REV3L: variants seen among roughly 807,000 people sequenced by gnomAD.
The protein encoded by REV3L is REV3 like, DNA directed polymerase zeta catalytic subunit, also known as DNA polymerase zeta catalytic subunit.
In REV3L, 69 loss-of-function variants were observed where a neutral mutation model predicts 299.4. The observed-to-expected ratio is 0.23, with a 90% CI of 0.19 to 0.28. The LOEUF (loss-of-function observed/expected upper bound fraction) is 0.28, where lower values mean the gene tolerates loss of function less well. Ranked by LOEUF, REV3L falls within the 10% of genes least tolerant of loss-of-function variation. REV3L has a pLI of 1.00. For missense variants in REV3L, 3,128 were observed against 3,693.8 expected, an observed-to-expected ratio of 0.85 and a Z score of 3.97; for synonymous variants, 1,238 against 1,271.4, an observed-to-expected ratio of 0.97 and a Z score of 0.56.
chr6:111,303,197 C>G (rs369594), intron 31 of REV3L, among the ~76,000 whole-genome samples: 1 of 120,114 alleles, frequency 8.3e-6, no homozygotes, highest in African/African-American at 3.3e-5. Flanking sequence ...TGAGAGAGAG[C>G]GTCTCATTCT....
Position 111,374,406 on chromosome 6 carries a change from C to T in REV3L, c.3949G>A (p.Asp1317Asn). ...TTACAAACAACTGATGGATGCAAATCATCTCGTGAACTGGGGAATGTCTGC... is the reference window on the plus strand; with the variant it reads ...TTACAAACAACTGATGGATGCAAATTATCTCGTGAACTGGGGAATGTCTGC... ...DLQTFPSSRD[D>N]LHPSVVCNSI... The change falls in exon 13 of 32, where the codon GAT (aspartate) becomes AAT (asparagine). Residue 1317 changes from aspartate (D) to asparagine (N), a missense_variant. Asp to Asn is a conservative substitution (Grantham distance 23). Coordinates refer to ENST00000368802, the MANE Select transcript of REV3L (RefSeq NM_001372078.1). 1 of 1,613,964 alleles carries T rather than the reference C, an allele frequency of 6.2e-7. No individual in the cohort carries two copies. Among genetic ancestry groups the T allele is most frequent in the Non-Finnish European group, 8.5e-7 (1 of 1,179,932 alleles).
chr6:111,304,474 G>C (rs1772038892), intron 31 of REV3L, among the ~76,000 whole-genome samples: 1 of 151,872 alleles, frequency 6.6e-6, no homozygotes, highest in Non-Finnish European at 1.5e-5. Flanking sequence ...TACATCTCTA[G>C]TAATTTCTGC....
At chr6:111,382,177 C>T (rs927682790) in intron 9 of REV3L, among the ~76,000 whole-genome samples, 6 of 152,116 alleles carry the variant, frequency 3.9e-5, no homozygotes, top group Admixed American at 3.9e-4. Flanking sequence ...TGGAATCCTC[C>T]AACAATTGCC....
At chr6:111,307,308 T>G (rs543690388) in intron 31 of REV3L, 53 bp downstream of exon 31, 60 of 1,469,432 alleles carry the variant, frequency 4.1e-5, no homozygotes, top group Middle Eastern at 1.8e-4. Context: ...TGACTATATC[T>G]TCCTGTAAGA....
At chr6:111,349,399 C>A in intron 19 of REV3L, 63 bp from the exon 20 acceptor site, 3 of 741,616 alleles carry the variant, frequency 4.0e-6, no homozygotes, top group South Asian at 2.1e-5. Context: ...TAAAATTATG[C>A]CAGGGAAAAT....
At chr6:111,368,558 CTCTAAT>C (rs1484184475) in intron 13 of REV3L, among the ~76,000 whole-genome samples, 1 of 152,040 alleles carries the variant, frequency 6.6e-6, no homozygotes, top group Non-Finnish European at 1.5e-5. Flanking sequence ...AGGTAAATTA[CTCTAAT>C]TCTTTCTTCC....
rs61756664 is a variant in REV3L, at chr6:111,376,680, T to C, written c.1675A>G (p.Ile559Val). 1,237 of 1,609,848 alleles carry C rather than the reference T, an allele frequency of 7.7e-4. 2 individuals are homozygous for C. Among genetic ancestry groups the C allele is most frequent in the Non-Finnish European group, 1.0e-3 (1,187 of 1,179,678 alleles). ...AATGTAGCAGCATCTTTGTGAAAGA[T>C]GGAGGGTTTAACTGAAAGCTTGCTT... Reference protein sequence around the residue: ...ATSKLSVKPSIFHKDAATLEP... With the variant: ...ATSKLSVKPSVFHKDAATLEP... The change falls in exon 13 of 32, where the codon ATC becomes GTC. Residue 559 changes from isoleucine (I) to valine (V), a missense_variant. Transcript: ENST00000368802.
At chr6:111,303,922 A>AT (rs1771964697) in intron 31 of REV3L, among the ~76,000 whole-genome samples, 1 of 151,268 alleles carries the variant, frequency 6.6e-6, no homozygotes. Context: ...GGGTTTCTCC[A>AT]TGTTGGCCAA....
At chr6:111,336,046 T>TG (rs1775864001) in intron 21 of REV3L, among the ~76,000 whole-genome samples, 1 of 146,180 alleles carries the variant, frequency 6.8e-6, no homozygotes, top group African/African-American at 2.4e-5. Context: ...AATAAAAACA[T>TG]GCACTATGTT....
chr6:111,415,221 T>G (rs557692404), intron 2 of REV3L, among the ~76,000 whole-genome samples: 1 of 152,248 alleles, frequency 6.6e-6, no homozygotes, highest in East Asian at 1.9e-4. Flanking sequence ...TCTACCAAGT[T>G]CCCAGGTGTG....
At chr6:111,370,642 T>C (rs76747622) in intron 13 of REV3L, among the ~76,000 whole-genome samples, 4,335 of 152,348 alleles carry the variant, frequency 0.028, 75 homozygotes, top group South Asian at 0.079. Flanking sequence ...ATAGGAATTA[T>C]TGTGAATCTG....
At chr6:111,333,561 G>A (rs1205685325) in intron 22 of REV3L, among the ~76,000 whole-genome samples, 194 bp from the exon 23 acceptor site, 6 of 150,676 alleles carry the variant, frequency 4.0e-5, no homozygotes, top group Non-Finnish European at 7.4e-5. Context: ...TGCAACCTCC[G>A]CCTCCCAGGT....
intron 3 of REV3L, among the ~76,000 whole-genome samples, chr6:111,408,568 C>T (rs1783890609): frequency 2.0e-5 from 3 of 151,940 alleles, no homozygotes; most frequent in Admixed American, 2.0e-4. Flanking sequence ...GGTGCCACTG[C>T]ACCCCAGCCT....
chr6:111,431,537 C>A, intron 1 of REV3L: 1 of 821,298 alleles, frequency 1.2e-6, no homozygotes, highest in Non-Finnish European at 2.1e-6. Flanking sequence ...AGACCCCCTC[C>A]CAACATGATC....
chr6:111,327,993 C>G (rs992145001), intron 25 of REV3L, among the ~76,000 whole-genome samples: 1 of 152,124 alleles, frequency 6.6e-6, no homozygotes, highest in African/African-American at 2.4e-5. Context: ...CCACAATGTT[C>G]TCTGACCTTC....
chr6:111,406,851 C>T (rs889297352), intron 3 of REV3L, among the ~76,000 whole-genome samples: 8 of 152,126 alleles, frequency 5.3e-5, no homozygotes, highest in Admixed American at 5.2e-4. Flanking sequence ...ATTAACACAG[C>T]AGAGGTAACT....
chr6:111,367,062 A>C (rs1779298260), intron 14 of REV3L, 53 bp downstream of exon 14: 2 of 1,380,416 alleles, frequency 1.4e-6, no homozygotes, highest in Non-Finnish European at 9.8e-7. Context: ...TGTTATCTTC[A>C]TTTCTATTTC....
chr6:111,350,202 TTA>T (rs1379066426), intron 19 of REV3L, among the ~76,000 whole-genome samples: 1 of 152,188 alleles, frequency 6.6e-6, no homozygotes, highest in Non-Finnish European at 1.5e-5. Context: ...CTCAGAAATG[TTA>T]TATCTTGCCC....
chr6:111,321,909 T>C (rs1275283227), intron 26 of REV3L, among the ~76,000 whole-genome samples: 1 of 151,870 alleles, frequency 6.6e-6, no homozygotes, highest in Non-Finnish European at 1.5e-5. Context: ...CAATAAGCCA[T>C]GCAAAAAAGA....
Sources: gnomAD v4.1 joint callset for allele counts (sites outside exome capture counted in the v4.1 genomes callset) on GRCh38, gnomAD v4.1.1 for gene constraint, MANE v1.5 for transcripts, NCBI Gene and HGNC (gene_info 2026-07-23, HGNC 2026-07-21) for gene names.